The following ASPH variants were observed in gnomAD, a reference collection of about 807,000 sequenced individuals.
The protein encoded by ASPH is aspartate beta-hydroxylase.
A neutral mutation model predicts 118.4 loss-of-function variants in ASPH; 100 were observed. That is an observed-to-expected ratio of 0.84 (90% confidence interval 0.72 to 1.00). ASPH has a LOEUF of 1.00. Ranked by LOEUF, ASPH falls within the 50% of genes least tolerant of loss-of-function variation. ASPH has a pLI of 0.00. For synonymous variants in ASPH, 315 were observed against 325.6 expected (o/e 0.97, Z 0.35); for missense variants, 920 against 919.5 (o/e 1.00, Z -0.01).
chr8:61,601,432 T>A (rs1843940218), intron 14 of ASPH, among the ~76,000 whole-genome samples: 1 of 150,434 alleles, frequency 6.6e-6, no homozygotes, highest in African/African-American at 2.5e-5. Flanking sequence ...TCCCAGCTAC[T>A]CAGGAGGCTG....
intron 18 of ASPH, among the ~76,000 whole-genome samples, chr8:61,556,586 T>C: frequency 6.6e-6 from 1 of 152,242 alleles, no homozygotes; most frequent in Non-Finnish European, 1.5e-5. Context: ...TATTCTGTGA[T>C]AAAACCCAGG....
chr8:61,616,130 T>A (rs1034139427), intron 14 of ASPH, among the ~76,000 whole-genome samples: 3 of 152,160 alleles, frequency 2.0e-5, no homozygotes, highest in Non-Finnish European at 4.4e-5. Context: ...TAATTTTAAA[T>A]GGGGGGAGAG....
intron 12 of ASPH, 34 bp from the exon 13 acceptor site, chr8:61,633,761 T>C (rs764716654): frequency 4.7e-6 from 7 of 1,486,214 alleles, no homozygotes; most frequent in South Asian, 2.5e-5. Flanking sequence ...ATCTGTTACA[T>C]ATTGCTGATC....
chr8:61,519,393 T>A (rs1812121404), intron 22 of ASPH, among the ~76,000 whole-genome samples: 1 of 152,136 alleles, frequency 6.6e-6, no homozygotes, highest in Admixed American at 6.5e-5. Flanking sequence ...AAATTTCCAA[T>A]ATATTGACAA....
At chr8:61,556,238 A>AT (rs968045592) in intron 18 of ASPH, among the ~76,000 whole-genome samples, 2 of 152,210 alleles carry the variant, frequency 1.3e-5, no homozygotes, top group Non-Finnish European at 2.9e-5. Context: ...TGCTTTGCAC[A>AT]TTTACACAAT....
intron 1 of ASPH, chr8:61,687,635 G>A (rs1310476324): frequency 6.6e-6 from 1 of 152,150 alleles, no homozygotes; most frequent in Non-Finnish European, 1.5e-5. Context: ...GAAACTTTCA[G>A]GCAGAATCCC....
intron 18 of ASPH, 34 bp from the exon 19 acceptor site, chr8:61,556,056 A>G (rs1354340532): frequency 6.3e-7 from 1 of 1,582,378 alleles, no homozygotes; most frequent in South Asian, 1.1e-5. Context: ...CATAACTCAA[A>G]GAAAACATAG....
chr8:61,693,771 C>G (rs1003741793), intron 1 of ASPH, among the ~76,000 whole-genome samples: 44 of 152,170 alleles, frequency 2.9e-4, no homozygotes, highest in African/African-American at 1.0e-3. Context: ...TGCATATCCC[C>G]TCTTCACCTC....
chr8:61,567,456 A>C lies in ASPH; in HGVS notation c.1150-138T>G, dbSNP rs191114611. On this transcript the variant is annotated intron_variant, in intron 16 of 24. Coordinates refer to ENST00000379454, the MANE Select transcript of ASPH (RefSeq NM_004318.4). ...ACGTTAGCCTTTTCTCCTTATCAAG[A>C]GATAAAAAAAACTAACAAAAGATAG... The C allele has an allele frequency of 3.8e-4, 354 of 922,184 alleles. No individual in the cohort carries two copies. In the African/African-American group the frequency reaches 4.3e-3, roughly 11 times the overall value. The allele number at this position is 922,184 out of a possible 1,614,324, so 57.1% of individuals were successfully genotyped here. A position where few individuals can be genotyped will look rare whatever the true frequency, so the allele number is the denominator to read the frequency against.
intron 12 of ASPH, among the ~76,000 whole-genome samples, chr8:61,635,330 C>T (rs1271200179): frequency 1.3e-5 from 2 of 152,114 alleles, no homozygotes; most frequent in East Asian, 1.9e-4. Context: ...GCCTCTTTAT[C>T]GTCTCTCCAC....
intron 1 of ASPH, among the ~76,000 whole-genome samples, chr8:61,712,380 G>A (rs1245685291): frequency 5.3e-5 from 8 of 152,126 alleles, no homozygotes; most frequent in African/African-American, 1.9e-4. Flanking sequence ...CCTTCTATCT[G>A]GCACACAGTA....
At chr8:61,670,173 A>G (rs1588978231) in intron 3 of ASPH, among the ~76,000 whole-genome samples, 1 of 152,246 alleles carries the variant, frequency 6.6e-6, no homozygotes, top group East Asian at 1.9e-4. Context: ...GTATACCACC[A>G]AAAACAGTTA....
At chr8:61,615,437 C>T (rs966301602) in intron 14 of ASPH, among the ~76,000 whole-genome samples, 4 of 152,172 alleles carry the variant, frequency 2.6e-5, no homozygotes, top group Non-Finnish European at 5.9e-5. Context: ...TTTAAAACTA[C>T]ATATCCAGCC....
At chr8:61,679,306 T>C (rs1423108481) in intron 3 of ASPH, among the ~76,000 whole-genome samples, 1 of 152,152 alleles carries the variant, frequency 6.6e-6, no homozygotes, top group Non-Finnish European at 1.5e-5. Flanking sequence ...AAGTGTATAA[T>C]TCTTATAAAT....
intron 12 of ASPH, among the ~76,000 whole-genome samples, chr8:61,635,355 A>G (rs2150825522): frequency 6.6e-6 from 1 of 152,202 alleles, no homozygotes; most frequent in Non-Finnish European, 1.5e-5. Context: ...TTCCAAAATG[A>G]TCACATCAGT....
intron 16 of ASPH, among the ~76,000 whole-genome samples, chr8:61,570,893 T>C (rs1458995641): frequency 6.6e-6 from 1 of 152,242 alleles, no homozygotes; most frequent in Non-Finnish European, 1.5e-5. Flanking sequence ...TATATTTTAA[T>C]ATTTTGTGTC....
rs762062047 is a variant in ASPH, at chr8:61,682,462, T to A, written c.254-1426A>T. ...ACCTTGAAGCACCTCTGATAAGTTA[T>A]AACGGAAGTCCTTTGCTTTGGCTGC... On this transcript the variant is annotated intron_variant, in intron 2 of 24. Transcript: ENST00000379454. The A allele has an allele frequency of 2.5e-6, 4 of 1,612,812 alleles. No homozygotes were observed. The East Asian group carries it at 8.9e-5, about 36-fold the overall frequency.
chr8:61,702,477 G>A (rs1010454383), intron 1 of ASPH, among the ~76,000 whole-genome samples: 1 of 151,750 alleles, frequency 6.6e-6, no homozygotes, highest in Non-Finnish European at 1.5e-5. Context: ...TAGTAGAGAC[G>A]GGGTTTCACC....
intron 21 of ASPH, among the ~76,000 whole-genome samples, chr8:61,542,462 C>T (rs976161954): frequency 6.6e-6 from 1 of 152,150 alleles, no homozygotes; most frequent in Non-Finnish European, 1.5e-5. Flanking sequence ...CAATTTATTG[C>T]TAACATAATT....
Sources: gnomAD v4.1 joint callset for allele counts (sites outside exome capture counted in the v4.1 genomes callset) on GRCh38, gnomAD v4.1.1 for gene constraint, MANE v1.5 for transcripts, NCBI Gene and HGNC (gene_info 2026-07-23, HGNC 2026-07-21) for gene names.